The following SPINT2 variants were observed in gnomAD, a reference collection of about 807,000 sequenced individuals.
SPINT2 encodes the protein kunitz-type protease inhibitor 2.
In SPINT2, 18 loss-of-function variants were observed where a neutral mutation model predicts 30.1. The ratio of observed to expected loss-of-function variants is 0.60; its 90% confidence interval spans 0.41 to 0.89. SPINT2 has a LOEUF of 0.89. Among genes scored for constraint, SPINT2 ranks in the 40% least tolerant of loss-of-function variants. The probability of loss-of-function intolerance (pLI) is 0.00; values close to 1 mark genes in which losing one functional copy is unlikely to be tolerated. For synonymous variants in SPINT2, 139 were observed against 137.9 expected (o/e 1.01, Z -0.05); for missense variants, 276 against 334.3 (o/e 0.83, Z 1.36).
At chr19:38,271,220 G>A (rs1240679002) in intron 1 of SPINT2, among the ~76,000 whole-genome samples, 3 of 152,176 alleles carry the variant, frequency 2.0e-5, no homozygotes, top group East Asian at 1.9e-4. Context: ...GGCCGGGCGC[G>A]GTGGCTCATG....
intron 1 of SPINT2, among the ~76,000 whole-genome samples, chr19:38,269,978 A>C (rs62123469): frequency 2.1e-5 from 2 of 93,944 alleles, no homozygotes; most frequent in African/African-American, 5.0e-5. Context: ...TGCCCACCTC[A>C]GCCTCTCAAA....
At position 38,290,769 on chromosome 19, in the gene SPINT2, G is replaced by C; in HGVS notation, c.592+194G>C. The C allele has an allele frequency of 2.5e-6, 2 of 795,800 alleles. No individual in the cohort carries two copies. Among genetic ancestry groups the C allele is most frequent in the Non-Finnish European group, 4.1e-6 (2 of 488,900 alleles). 49.3% of individuals were successfully genotyped at this position (795,800 alleles called of 1,614,324 possible). Reference sequence around the variant, plus strand: ...CAGTGTACACAGTTGGGGCTGGAGTGAGTCAGTCACAAGGCAGGCCCTGCC... The same window carrying C: ...CAGTGTACACAGTTGGGGCTGGAGTCAGTCAGTCACAAGGCAGGCCCTGCC... On this transcript the variant is annotated intron_variant, in intron 6 of 6. Transcript: ENST00000301244. The surrounding 1 kb of genome is among the most constrained non-coding windows in gnomAD (Gnocchi z 4.3).
intron 1 of SPINT2, among the ~76,000 whole-genome samples, chr19:38,279,024 A>G (rs962340179): frequency 3.3e-5 from 5 of 152,102 alleles, no homozygotes; most frequent in Non-Finnish European, 7.4e-5. Flanking sequence ...TAGTGAAAGC[A>G]TGTGACAAGA....
chr19:38,279,852 C>T (rs902456571), intron 1 of SPINT2, among the ~76,000 whole-genome samples: 2 of 152,152 alleles, frequency 1.3e-5, no homozygotes, highest in African/African-American at 2.4e-5. Flanking sequence ...TGGGGTTTCG[C>T]CATGTTGGCC....
chr19:38,279,977 C>T (rs1191393794), intron 1 of SPINT2, among the ~76,000 whole-genome samples: 3 of 152,154 alleles, frequency 2.0e-5, no homozygotes, highest in African/African-American at 4.8e-5. Flanking sequence ...TCTAAATTCT[C>T]CTGGGACAAC....
chr19:38,269,607 CTTTT>C (rs1189751582), intron 1 of SPINT2, among the ~76,000 whole-genome samples: 2 of 106,186 alleles, frequency 1.9e-5, no homozygotes, highest in Admixed American at 1.1e-4. Context: ...GATTTCTTTT[CTTTT>C]TTTTTTTTTT....
chr19:38,275,959 T>G (rs1402196811), intron 1 of SPINT2, among the ~76,000 whole-genome samples: 1 of 151,604 alleles, frequency 6.6e-6, no homozygotes, highest in Non-Finnish European at 1.5e-5. Context: ...ACTCCTGACC[T>G]CAAGTGATCC....
At chr19:38,274,560 G>A (rs1968494258) in intron 1 of SPINT2, among the ~76,000 whole-genome samples, 1 of 152,156 alleles carries the variant, frequency 6.6e-6, no homozygotes, top group Admixed American at 6.5e-5. Flanking sequence ...GCTCACGCCT[G>A]TAATCCCAGC....
chr19:38,288,917 A>G, intron 3 of SPINT2: 1 of 568,102 alleles, frequency 1.8e-6, no homozygotes, highest in Admixed American at 3.0e-5. Context: ...TTCTATAGGA[A>G]CCCTGAGGTG....
At position 38,289,119 on chromosome 19, in the gene SPINT2, A is replaced by G; in HGVS notation, c.338-19A>G. ...CTGTGTCCGGCCCAGCCTCCCTAAC[A>G]CAGATGTTTGTGTTTCAGCTCCCAG... On this transcript the variant is annotated intron_variant, in intron 3 of 6. Transcript: ENST00000301244. The G allele has an allele frequency of 1.2e-6, 2 of 1,613,350 alleles. No individual in the cohort carries two copies. The highest frequency in any genetic ancestry group is 8.5e-7 in the Non-Finnish European group (1 of 1,179,532).
At chr19:38,267,420 T>G (rs1968392296) in intron 1 of SPINT2, among the ~76,000 whole-genome samples, 1 of 151,706 alleles carries the variant, frequency 6.6e-6, no homozygotes, top group Non-Finnish European at 1.5e-5. Context: ...ACAGAGAATG[T>G]GTGAGGGAGG....
At chr19:38,267,061 G>A (rs1451331326) in intron 1 of SPINT2, among the ~76,000 whole-genome samples, 1 of 152,112 alleles carries the variant, frequency 6.6e-6, no homozygotes, top group Non-Finnish European at 1.5e-5. Flanking sequence ...TGCCTTGCCC[G>A]AGGTCACTCG....
chr19:38,285,315 C>T (rs375646775), intron 2 of SPINT2, among the ~76,000 whole-genome samples: 8 of 152,110 alleles, frequency 5.3e-5, no homozygotes, highest in Admixed American at 1.3e-4. Flanking sequence ...TCCAGAGACC[C>T]GAGGGTTTGG....
intron 1 of SPINT2, among the ~76,000 whole-genome samples, chr19:38,279,326 G>A (rs191561993): frequency 4.0e-5 from 6 of 151,686 alleles, no homozygotes; most frequent in Admixed American, 6.6e-5. Context: ...TTGAGAAACC[G>A]CGTCTCTCCT....
chr19:38,280,006 C>T (rs879811175), intron 1 of SPINT2, among the ~76,000 whole-genome samples: 7 of 152,170 alleles, frequency 4.6e-5, no homozygotes, highest in Non-Finnish European at 7.3e-5. Flanking sequence ...TCTACCTTTC[C>T]TTCCTACTTT....
At chr19:38,275,699 A>G (rs1443963212) in intron 1 of SPINT2, among the ~76,000 whole-genome samples, 3 of 151,540 alleles carry the variant, frequency 2.0e-5, no homozygotes, top group African/African-American at 7.3e-5. Flanking sequence ...CTGGGATTAT[A>G]GGTATGAGCC....
chr19:38,267,863 GTC>G (rs2146264562), intron 1 of SPINT2, among the ~76,000 whole-genome samples: 1 of 152,212 alleles, frequency 6.6e-6, no homozygotes, highest in South Asian at 2.1e-4. Context: ...AATAATGGAA[GTC>G]TCCCAGCTGG....
At chr19:38,289,104 C>A in intron 3 of SPINT2, 34 bp from the exon 4 acceptor site, 1 of 1,610,092 alleles carries the variant, frequency 6.2e-7, no homozygotes, top group Non-Finnish European at 8.5e-7. Flanking sequence ...CTGTGTCCGG[C>A]CCAGCCTCCC....
chr19:38,280,788 G>T (rs192035271), intron 1 of SPINT2, among the ~76,000 whole-genome samples: 184 of 152,270 alleles, frequency 1.2e-3, no homozygotes, highest in African/African-American at 4.2e-3. Flanking sequence ...GCCGGGTGTT[G>T]TTGGGCCCTC....
Sources: gnomAD v4.1 joint callset for allele counts (sites outside exome capture counted in the v4.1 genomes callset) on GRCh38, gnomAD v4.1.1 for gene constraint, Gnocchi (gnomAD v3.1) non-coding constraint, MANE v1.5 for transcripts, NCBI Gene and HGNC (gene_info 2026-07-23, HGNC 2026-07-21) for gene names.